The following GABRG3 variants were observed in gnomAD, a reference collection of about 807,000 sequenced individuals.
The protein encoded by GABRG3 is gamma-aminobutyric acid receptor subunit gamma-3.
GABRG3 carries 25 observed loss-of-function variants against 48.8 expected under a neutral mutation model. That is an observed-to-expected ratio of 0.51 (90% CI 0.37 to 0.72). The LOEUF (loss-of-function observed/expected upper bound fraction) is 0.72. Among genes scored for constraint, GABRG3 ranks in the 30% least tolerant of loss-of-function variants. The pLI is 0.00. For missense variants in GABRG3, 394 were observed against 577.9 expected (o/e 0.68, Z 3.26); for synonymous variants, 227 against 217.6 (o/e 1.04, Z -0.38).
intron 6 of GABRG3, among the ~76,000 whole-genome samples, chr15:27,504,451 A>G (rs972042525): frequency 6.6e-6 from 1 of 152,058 alleles, no homozygotes; most frequent in Non-Finnish European, 1.5e-5. Context: ...ACCCTTAAAT[A>G]TTTTGCCACT....
intron 3 of GABRG3, among the ~76,000 whole-genome samples, chr15:27,307,909 A>G (rs1892725244): frequency 1.1e-5 from 1 of 93,976 alleles, no homozygotes; most frequent in South Asian, 2.7e-4. Context: ...TAAAATAAAC[A>G]TGTTTATATA....
chr15:27,123,193 T>C (rs1158783512), intron 3 of GABRG3, among the ~76,000 whole-genome samples: 1 of 152,232 alleles, frequency 6.6e-6, no homozygotes, highest in Admixed American at 6.5e-5. Flanking sequence ...TGTGTCAATA[T>C]GTTAGTGAAA....
At chr15:27,115,626 C>T (rs1258466339) in intron 3 of GABRG3, among the ~76,000 whole-genome samples, 1 of 152,172 alleles carries the variant, frequency 6.6e-6, no homozygotes, top group Non-Finnish European at 1.5e-5. Context: ...AGGTACATTT[C>T]TTATTTCAGT....
intron 3 of GABRG3, among the ~76,000 whole-genome samples, chr15:27,188,983 G>A (rs553739915): frequency 1.3e-5 from 2 of 152,170 alleles, no homozygotes; most frequent in South Asian, 2.1e-4. Context: ...ATTGAATAGG[G>A]AATCCTTTCC....
intron 9 of GABRG3, among the ~76,000 whole-genome samples, chr15:27,528,683 A>G (rs998180896): frequency 7.0e-6 from 1 of 143,080 alleles, no homozygotes. Flanking sequence ...AACTTTTCCC[A>G]TTGGCATTTC....
In GABRG3 at chr15:27,361,050, A is replaced by C. The variant is rs77078961; in HGVS notation, c.574+32162A>C. 7.3e-3 allele frequency among the ~76,000 whole-genome samples: 1,108 copies of C among 152,320 alleles called. 22 individuals are homozygous for C. The highest frequency in any genetic ancestry group is 0.025 in the African/African-American group (1,060 of 41,588). ...GCCCGTGTGAGGCTGAGACACAGTC[A>C]GCTGTGACCACTCATAGCAAAGCCC... is the stretch of plus-strand genomic sequence containing the variant. On this transcript the variant is annotated intron_variant, in intron 5 of 9. Transcript: ENST00000615808.
intron 3 of GABRG3, among the ~76,000 whole-genome samples, chr15:27,280,082 T>A (rs1384314895): frequency 6.6e-6 from 1 of 152,108 alleles, no homozygotes; most frequent in South Asian, 2.1e-4. Context: ...TGATTTTTTT[T>A]AATTAGTTCA....
At chr15:27,510,914 A>G (rs1397020205) in intron 6 of GABRG3, among the ~76,000 whole-genome samples, 1 of 152,158 alleles carries the variant, frequency 6.6e-6, no homozygotes, top group African/African-American at 2.4e-5. Flanking sequence ...TTTTTCTTGC[A>G]GTGGTCATAA....
chr15:27,388,367 A>AAG lies in GABRG3; in HGVS notation c.574+59479_574+59480insAG, dbSNP rs1566818748. ...GGGAGGGAGGGTAAGGAAGGAAGGA[A>AAG]GAAAGGAAGGAAGGAAGGAAAGGAG... On this transcript the variant is annotated intron_variant, in intron 5 of 9. Coordinates refer to ENST00000615808, the MANE Select transcript of GABRG3 (RefSeq NM_033223.5). Among the ~76,000 whole-genome samples, 2 of 66,956 alleles carry AAG rather than the reference A, an allele frequency of 3.0e-5. 1 individual carries two copies. Among genetic ancestry groups the AAG allele is most frequent in the East Asian group, 1.4e-3 (2 of 1,416 alleles). 43.9% of individuals were successfully genotyped at this position (66,956 alleles called of 152,430 possible).
At chr15:27,255,686 A>T (rs1039156492) in intron 3 of GABRG3, among the ~76,000 whole-genome samples, 11 of 152,052 alleles carry the variant, frequency 7.2e-5, no homozygotes, top group African/African-American at 2.7e-4. Flanking sequence ...ATTTTATCAC[A>T]TGCATCCTCC....
At chr15:27,240,930 A>G (rs937403939) in intron 3 of GABRG3, among the ~76,000 whole-genome samples, 1 of 152,188 alleles carries the variant, frequency 6.6e-6, no homozygotes, top group African/African-American at 2.4e-5. Context: ...AAAATTTCAC[A>G]TTTCATATGG....
At chr15:27,305,576 A>T (rs1892381258) in intron 3 of GABRG3, among the ~76,000 whole-genome samples, 1 of 144,370 alleles carries the variant, frequency 6.9e-6, no homozygotes, top group Non-Finnish European at 1.5e-5. Flanking sequence ...GTGTTTATAT[A>T]TAAACATATA....
At chr15:27,020,362 A>G (rs904022133) in intron 2 of GABRG3, among the ~76,000 whole-genome samples, 5 of 152,098 alleles carry the variant, frequency 3.3e-5, no homozygotes, top group African/African-American at 4.8e-5. Flanking sequence ...GTCCTTGTCA[A>G]CACCTATTGG....
intron 5 of GABRG3, among the ~76,000 whole-genome samples, chr15:27,434,453 A>G (rs1337824100): frequency 2.0e-5 from 3 of 152,166 alleles, no homozygotes; most frequent in African/African-American, 4.8e-5. Context: ...CCTTTATAGT[A>G]TGTAGTGAAC....
chr15:27,112,364 C>T (rs1419870803), intron 3 of GABRG3, among the ~76,000 whole-genome samples: 1 of 152,050 alleles, frequency 6.6e-6, no homozygotes, highest in African/African-American at 2.4e-5. Context: ...TATGTATGCG[C>T]AGATTCTTGA....
At chr15:27,486,426 C>T (rs547849193) in intron 6 of GABRG3, among the ~76,000 whole-genome samples, 2 of 152,154 alleles carry the variant, frequency 1.3e-5, no homozygotes, top group Non-Finnish European at 1.5e-5. Context: ...TCAGTCTTTA[C>T]GTGTAGAAGC....
intron 3 of GABRG3, among the ~76,000 whole-genome samples, chr15:27,316,647 T>C (rs1317566458): frequency 6.6e-6 from 1 of 152,210 alleles, no homozygotes; most frequent in East Asian, 1.9e-4. Flanking sequence ...ATGAACATTT[T>C]TTATGTGGGG....
chr15:27,376,582 G>A lies in GABRG3; in HGVS notation c.574+47694G>A, dbSNP rs373361270. On this transcript the variant is annotated intron_variant, in intron 5 of 9. Transcript: ENST00000615808. ...TGTGCCCTCACAGGCTCAACACCACGTGGAAGCTGCCAAGGATTGAGGCTT... is the reference window on the plus strand; with the variant it reads ...TGTGCCCTCACAGGCTCAACACCACATGGAAGCTGCCAAGGATTGAGGCTT... 5.3e-4 allele frequency among the ~76,000 whole-genome samples: 81 copies of A among 152,296 alleles called. 1 individual carries two copies. The South Asian group carries it at 0.015, about 29-fold the overall frequency.
At chr15:27,311,108 G>A (rs1892977913) in intron 3 of GABRG3, among the ~76,000 whole-genome samples, 1 of 152,172 alleles carries the variant, frequency 6.6e-6, no homozygotes, top group South Asian at 2.1e-4. Context: ...TGAGCAAGAA[G>A]ACAGAATAGG....
Sources: allele counts gnomAD v4.1 joint callset (sites outside exome capture counted in the v4.1 genomes callset), GRCh38; gene constraint gnomAD v4.1.1; transcripts MANE v1.5; gene names NCBI Gene and HGNC (gene_info 2026-07-23, HGNC 2026-07-21).